Variants in SHQ1 observed in about 807,000 individuals in gnomAD.
The protein encoded by SHQ1 is SHQ1, H/ACA ribonucleoprotein assembly factor, also known as protein SHQ1 homolog.
Under a neutral mutation model 53.8 loss-of-function variants are expected in SHQ1, and 49 were observed. That is an observed-to-expected ratio of 0.91 (90% confidence interval 0.72 to 1.16). The LOEUF (loss-of-function observed/expected upper bound fraction) is 1.16, where lower values mean the gene tolerates loss of function less well. SHQ1 is among the 50% of genes most tolerant of loss of function. The pLI is 0.00. For synonymous variants in SHQ1, 243 were observed against 251.0 expected (o/e 0.97, Z 0.30); for missense variants, 738 against 683.1 (o/e 1.08, Z -0.90).
At chr3:72,732,198 A>C in the SHQ1 span, among the ~76,000 whole-genome samples, 1 of 151,456 alleles carries the variant, frequency 6.6e-6, no homozygotes, top group Non-Finnish European at 1.5e-5. Context: ...CACTGGGAGG[A>C]AGCCCCGTGC....
chr3:72,754,297 A>G (rs1214281510), intron 10 of SHQ1, among the ~76,000 whole-genome samples: 1 of 152,106 alleles, frequency 6.6e-6, no homozygotes, highest in Admixed American at 6.5e-5. Flanking sequence ...CCCAAGCCTC[A>G]AAACTCCAGC....
intron 10 of SHQ1, among the ~76,000 whole-genome samples, chr3:72,763,022 T>TACACACAC (rs35278618): frequency 2.3e-4 from 30 of 132,744 alleles, no homozygotes; most frequent in South Asian, 7.1e-4. Context: ...CATCTTGTTT[T>TACACACAC]ACACACACAC....
At chr3:72,739,194 G>C in the SHQ1 span, among the ~76,000 whole-genome samples, 2 of 152,206 alleles carry the variant, frequency 1.3e-5, no homozygotes, top group African/African-American at 4.8e-5. Flanking sequence ...ACACCATGCA[G>C]GATGGTTTGT....
At chr3:72,731,468 T>C in the SHQ1 span, among the ~76,000 whole-genome samples, 72 of 151,228 alleles carry the variant, frequency 4.8e-4, no homozygotes, top group African/African-American at 1.8e-3. Flanking sequence ...GATGGATCAC[T>C]TGAGGTCAGG....
At position 72,752,958 on chromosome 3, in the gene SHQ1, C is replaced by T. The variant is rs1015396061; in HGVS notation, c.1182-2122G>A. On this transcript the variant is annotated intron_variant, in intron 10 of 10. Transcript: ENST00000325599. Reference sequence around the variant, plus strand: ...GATTACAGGCGTGAGCCACCATGACCAGCCGAAGACGCTTTTCCTCTAAAT... The same window carrying T: ...GATTACAGGCGTGAGCCACCATGACTAGCCGAAGACGCTTTTCCTCTAAAT... 4.1e-6 allele frequency: 4 copies of T among 984,984 alleles called. No individual in the cohort carries two copies. The Admixed American group carries it at 1.8e-4, about 45-fold the overall frequency. 61.0% of individuals were successfully genotyped at this position (984,984 alleles called of 1,614,324 possible).
At position 72,848,304 on chromosome 3, in the gene SHQ1, C is replaced by G. The variant is rs769998067; in HGVS notation, c.37G>C (p.Asp13His). Residue 13 changes from aspartate (D) to histidine (H), a missense_variant, in exon 1 of 11, where the codon GAC becomes CAC. Coordinates refer to ENST00000325599, the MANE Select transcript of SHQ1 (RefSeq NM_018130.3). ...TPAFDLSQDP[D>H]FLTIAIRVPY... Reference sequence around the variant, plus strand: ...ACGCGGATGGCGATAGTCAGGAAGTCCGGATCCTGGCTGAGGTCGAACGCC... The same window carrying G: ...ACGCGGATGGCGATAGTCAGGAAGTGCGGATCCTGGCTGAGGTCGAACGCC... 1.6e-4 allele frequency: 254 copies of G among 1,614,016 alleles called. No individual in the cohort carries two copies. The highest frequency in any genetic ancestry group is 2.1e-4 in the Non-Finnish European group (243 of 1,180,024).
intron 5 of SHQ1, among the ~76,000 whole-genome samples, chr3:72,827,082 C>A (rs1032422025): frequency 1.1e-4 from 17 of 152,110 alleles, no homozygotes; most frequent in African/African-American, 4.1e-4. Context: ...ACAGAACCCT[C>A]AGGTTGTAGG....
At chr3:72,800,443 G>A (rs539441617) in intron 9 of SHQ1, among the ~76,000 whole-genome samples, 40 of 152,304 alleles carry the variant, frequency 2.6e-4, no homozygotes, top group African/African-American at 9.6e-4. Flanking sequence ...GAGGCTCAAG[G>A]ATATGAAGCA....
At chr3:72,743,765 G>C in the SHQ1 span, among the ~76,000 whole-genome samples, 1 of 152,172 alleles carries the variant, frequency 6.6e-6, no homozygotes, top group Non-Finnish European at 1.5e-5. Flanking sequence ...AGCTGAAACA[G>C]ATACTTAAGT....
chr3:72,732,669 G>T, the SHQ1 span, among the ~76,000 whole-genome samples: 11 of 151,596 alleles, frequency 7.3e-5, no homozygotes, highest in Non-Finnish European at 1.6e-4. Flanking sequence ...ATTGTCTTTA[G>T]TAGCTCTTGG....
chr3:72,811,379 T>C lies in SHQ1; in HGVS notation c.1060+1292A>G, dbSNP rs560377247. Among the ~76,000 whole-genome samples, 148 of 152,354 alleles carry C rather than the reference T, an allele frequency of 9.7e-4. 1 individual carries two copies. The highest frequency in any genetic ancestry group is 3.4e-3 in the African/African-American group (140 of 41,574). ...TAACTGAGGCTCACACAGTCATTTA[T>C]AGTAGATTGATTTTCCAAGGTACTT... On this transcript the variant is annotated intron_variant, in intron 9 of 10. Coordinates refer to ENST00000325599, the MANE Select transcript of SHQ1 (RefSeq NM_018130.3).
At chr3:72,738,515 C>A in the SHQ1 span, among the ~76,000 whole-genome samples, 1 of 152,054 alleles carries the variant, frequency 6.6e-6, no homozygotes, top group Non-Finnish European at 1.5e-5. Flanking sequence ...GGATCTGCTT[C>A]GCGCCAATTT....
At position 72,811,174 on chromosome 3, in the gene SHQ1, TGAGTGA is replaced by T. The variant is rs72170719; in HGVS notation, c.1060+1491_1060+1496del. On this transcript the variant is annotated intron_variant, in intron 9 of 10. Transcript: ENST00000325599. ...AGTAACAAGCAATAGTCTGTATATG[TGAGTGA>T]GAGTGAGAGTGTGTGAGTGTGTGTG... Among the ~76,000 whole-genome samples, 606 of 151,722 alleles carry T rather than the reference TGAGTGA, an allele frequency of 4.0e-3. 23 individuals are homozygous for T. In the East Asian group the frequency reaches 0.099, roughly 25 times the overall value.
chr3:72,773,939 G>A (rs1705905407), intron 10 of SHQ1, among the ~76,000 whole-genome samples: 1 of 152,168 alleles, frequency 6.6e-6, no homozygotes, highest in Non-Finnish European at 1.5e-5. Flanking sequence ...GATTTTTGTA[G>A]TTAGGTTTGA....
Position 72,848,393 on chromosome 3 carries a change from C to T in SHQ1, c.-53G>A. On this transcript the variant is annotated 5_prime_UTR_variant, in exon 1 of 11. Transcript: ENST00000325599. Reference sequence around the variant, plus strand: ...CGCTCGCTCTCACTGCCGCCGCGTTCCCGCCACGCAAACTCTCCAACTCCC... The same window carrying T: ...CGCTCGCTCTCACTGCCGCCGCGTTTCCGCCACGCAAACTCTCCAACTCCC... The T allele has an allele frequency of 6.9e-6, 11 of 1,604,360 alleles. No homozygotes were observed. Among genetic ancestry groups the T allele is most frequent in the Non-Finnish European group, 8.5e-6 (10 of 1,174,966 alleles).
intron 10 of SHQ1, among the ~76,000 whole-genome samples, chr3:72,774,027 T>C (rs1000106925): frequency 3.3e-5 from 5 of 152,186 alleles, no homozygotes; most frequent in Admixed American, 1.3e-4. Flanking sequence ...CAAGAAGATA[T>C]TCCAGGCCAA....
chr3:72,846,301 T>C (rs1490669215), intron 1 of SHQ1: 22 of 1,285,354 alleles, frequency 1.7e-5, no homozygotes, highest in South Asian at 2.9e-5. Context: ...GTATGTTCTT[T>C]TTTTTTTTTT....
At position 72,817,329 on chromosome 3, in the gene SHQ1, AT is replaced by A; in HGVS notation, c.782del (p.Tyr261PhefsTer15). Reference protein sequence around the residue: ...YQLRKFVNKSYLLDKRACRQV... With the variant: ...YQLRKFVNKSXLLDKRACRQV... The stretch of plus-strand genomic sequence containing the variant: ...GACGACAGGCTCTCTTGTCCAGCAG[AT>A]AAGATTTATTGACAAATTTTCGTAG... On this transcript the variant is annotated frameshift_variant, in exon 7 of 11. Transcript: ENST00000325599. LOFTEE classifies it high-confidence loss of function. The A allele has an allele frequency of 6.2e-7, 1 of 1,613,532 alleles. No individual in the cohort carries two copies. The highest frequency in any genetic ancestry group is 8.5e-7 in the Non-Finnish European group (1 of 1,179,594).
At chr3:72,786,063 C>T (rs1427045269) in intron 10 of SHQ1, among the ~76,000 whole-genome samples, 1 of 152,170 alleles carries the variant, frequency 6.6e-6, no homozygotes, top group African/African-American at 2.4e-5. Flanking sequence ...CAAGTCAAAA[C>T]CCACATCTCA....
Sources: allele counts gnomAD v4.1 joint callset (sites outside exome capture counted in the v4.1 genomes callset), GRCh38; gene constraint gnomAD v4.1.1; transcripts MANE v1.5; gene names NCBI Gene and HGNC (gene_info 2026-07-23, HGNC 2026-07-21).